RBM6: variants seen among roughly 807,000 people sequenced by gnomAD.
RBM6 encodes RNA-binding protein 6.
Under a neutral mutation model 140.4 loss-of-function variants are expected in RBM6, and 23 were observed. That is an observed-to-expected ratio of 0.16 (90% CI 0.12 to 0.23). The LOEUF is 0.23. Among genes scored for constraint, RBM6 ranks in the 10% least tolerant of loss-of-function variants. The pLI, the probability that RBM6 is intolerant of heterozygous loss-of-function variation, is 1.00. For missense variants in RBM6, 1,139 were observed against 1,386.7 expected, an observed-to-expected ratio of 0.82 and a Z score of 2.84; for synonymous variants, 439 against 475.6, an observed-to-expected ratio of 0.92 and a Z score of 1.00.
chr3:50,070,225 C>T (rs954583874), intron 18 of RBM6, among the ~76,000 whole-genome samples: 1 of 152,058 alleles, frequency 6.6e-6, no homozygotes, highest in African/African-American at 2.4e-5. Context: ...CATTGTGGCA[C>T]TCACCTGTAG....
chr3:50,072,271 G>C (rs905820215), intron 19 of RBM6, among the ~76,000 whole-genome samples: 1 of 151,466 alleles, frequency 6.6e-6, no homozygotes, highest in African/African-American at 2.4e-5. Flanking sequence ...TTAGCCAGGC[G>C]TGGTGGTGGG....
chr3:50,012,091 T>A (rs1243413594), intron 6 of RBM6, among the ~76,000 whole-genome samples: 2 of 152,176 alleles, frequency 1.3e-5, no homozygotes, highest in Non-Finnish European at 2.9e-5. Flanking sequence ...ACTCAAGCAA[T>A]CCTTCCTGCC....
intron 3 of RBM6, 22 bp downstream of exon 3, chr3:49,968,770 CTTTTTTTTTTTTTTTTTT>C (rs569224640): frequency 2.9e-6 from 2 of 700,102 alleles, no homozygotes; most frequent in Non-Finnish European, 3.8e-6. Context: ...GGGTGGATTG[CTTTTTTTTTTTTTTTTTT>C]TTTTTTTTTT....
At position 50,015,646 on chromosome 3, in the gene RBM6, A is replaced by G. The variant is rs930645800; in HGVS notation, c.1557+16133A>G. Among the ~76,000 whole-genome samples the G allele has an allele frequency of 2.0e-3, 297 of 146,882 alleles. 4 individuals are homozygous for G. Among genetic ancestry groups the G allele is most frequent in the Middle Eastern group, 7.5e-3 (2 of 268 alleles). ...GCGGGGTTTCACCATGTTAGCCAGG[A>G]TGGTCTCCATCTCCTGACCTCGTGA... On this transcript the variant is annotated intron_variant, in intron 6 of 20. Coordinates refer to ENST00000266022, the MANE Select transcript of RBM6 (RefSeq NM_005777.3).
chr3:50,029,373 G>A (rs1480907056), intron 6 of RBM6, among the ~76,000 whole-genome samples: 2 of 152,252 alleles, frequency 1.3e-5, no homozygotes, highest in Admixed American at 6.5e-5. Context: ...TCTAGGATTT[G>A]ATAACACTGG....
intron 1 of RBM6, among the ~76,000 whole-genome samples, chr3:49,950,042 C>G (rs7615318): frequency 6.6e-6 from 1 of 152,020 alleles, no homozygotes; most frequent in South Asian, 2.1e-4. Flanking sequence ...ATTTTCAAAT[C>G]GAGATATTTT....
At chr3:50,059,868 A>T in intron 11 of RBM6, 122 bp downstream of exon 11, 1 of 696,120 alleles carries the variant, frequency 1.4e-6, no homozygotes, top group Non-Finnish European at 2.4e-6. Flanking sequence ...TGCTTCAGAT[A>T]GGTGTTTATT....
At chr3:50,047,622 G>A (rs1277162525) in intron 6 of RBM6, among the ~76,000 whole-genome samples, 1 of 152,034 alleles carries the variant, frequency 6.6e-6, no homozygotes, top group Non-Finnish European at 1.5e-5. Context: ...GAGTGATACC[G>A]CCGCCGCCGC....
intron 1 of RBM6, among the ~76,000 whole-genome samples, chr3:49,960,266 G>C (rs773886235): frequency 3.3e-5 from 5 of 152,198 alleles, no homozygotes; most frequent in East Asian, 1.9e-4. Context: ...TGCTGGAGAG[G>C]GGGTAGGGCA....
chr3:49,984,610 CA>C (rs2085464448), intron 5 of RBM6, among the ~76,000 whole-genome samples: 1 of 94,906 alleles, frequency 1.1e-5, no homozygotes, highest in Non-Finnish European at 2.2e-5. Flanking sequence ...CACATCACAT[CA>C]CATCGCATCG....
At chr3:49,951,547 T>G (rs2083729391) in intron 1 of RBM6, among the ~76,000 whole-genome samples, 1 of 151,370 alleles carries the variant, frequency 6.6e-6, no homozygotes, top group Non-Finnish European at 1.5e-5. Flanking sequence ...TACTATATTT[T>G]ATTTTATTTA....
rs991549345 is a variant in RBM6, at chr3:49,967,896, C to G, written c.471C>G (p.Asp157Glu). Reference sequence around the variant, plus strand: ...AGGCACCTCATATGAACTACAGAGACAGGGATGCTCACGCTGTTGACTTCA... The same window carrying G: ...AGGCACCTCATATGAACTACAGAGAGAGGGATGCTCACGCTGTTGACTTCA... ...GREAPHMNYRDRDAHAVDFRG... is the reference protein window; with the variant it reads ...GREAPHMNYRERDAHAVDFRG... Residue 157 changes from aspartate (D) to glutamate (E), a missense_variant, in exon 3 of 21, where the codon GAC becomes GAG. Transcript: ENST00000266022. This position sits in a 1 kb window ranked among gnomAD's most constrained non-coding sequence, Gnocchi z 4.0. The G allele has an allele frequency of 2.5e-6, 4 of 1,613,946 alleles. No individual in the cohort carries two copies. Among genetic ancestry groups the G allele is most frequent in the Non-Finnish European group, 3.4e-6 (4 of 1,180,030 alleles).
intron 6 of RBM6, among the ~76,000 whole-genome samples, chr3:50,033,377 C>T (rs1283589209): frequency 1.2e-4 from 19 of 152,074 alleles, no homozygotes; most frequent in Non-Finnish European, 2.9e-5. Context: ...TCTTGAGCTC[C>T]TGAAACCTGA....
At chr3:49,954,235 C>T (rs1257427656) in intron 1 of RBM6, among the ~76,000 whole-genome samples, 2 of 151,760 alleles carry the variant, frequency 1.3e-5, no homozygotes, top group Non-Finnish European at 2.9e-5. Context: ...GTCAGGAGAT[C>T]GAGACCACCC....
intron 6 of RBM6, among the ~76,000 whole-genome samples, chr3:50,024,974 G>T (rs2087716608): frequency 6.6e-6 from 1 of 150,450 alleles, no homozygotes; most frequent in South Asian, 2.1e-4. Context: ...CTGGGCGACA[G>T]AGCAAGACTC....
At chr3:50,033,021 G>A (rs1002929853) in intron 6 of RBM6, among the ~76,000 whole-genome samples, 1 of 151,870 alleles carries the variant, frequency 6.6e-6, no homozygotes, top group African/African-American at 2.4e-5. Context: ...AAGAGACAGG[G>A]AAGCCAAGCT....
In RBM6 at chr3:50,058,125, G is replaced by A. The variant is rs2089788835; in HGVS notation, c.1969+122G>A. ...CTGAGAGATCTGTGCATGACCTGATGACAGAGGCCATTGCTGTCTGTGGAC... is the reference window on the plus strand; with the variant it reads ...CTGAGAGATCTGTGCATGACCTGATAACAGAGGCCATTGCTGTCTGTGGAC... On this transcript the variant is annotated intron_variant, in intron 9 of 20. Transcript: ENST00000266022. The A allele has an allele frequency of 5.6e-6, 7 of 1,241,144 alleles. No homozygotes were observed. The South Asian group carries it at 9.0e-5, about 16-fold the overall frequency. 76.9% of individuals were successfully genotyped at this position (1,241,144 alleles called of 1,614,324 possible).
chr3:49,953,940 C>T (rs982472604), intron 1 of RBM6, among the ~76,000 whole-genome samples: 1 of 151,794 alleles, frequency 6.6e-6, no homozygotes, highest in East Asian at 1.9e-4. Flanking sequence ...GAGACCAGCC[C>T]GGGCAACATA....
intron 17 of RBM6, 68 bp from the exon 18 acceptor site, chr3:50,068,622 A>G (rs2090191935): frequency 7.1e-7 from 1 of 1,400,968 alleles, no homozygotes. Context: ...CTATTGGGAA[A>G]GGCCTAGAAG....
Sources: allele counts gnomAD v4.1 joint callset (sites outside exome capture counted in the v4.1 genomes callset), GRCh38; gene constraint gnomAD v4.1.1; non-coding constraint Gnocchi (gnomAD v3.1); transcripts MANE v1.5; gene names NCBI Gene and HGNC (gene_info 2026-07-23, HGNC 2026-07-21).